ADAM23: variants seen among roughly 807,000 people sequenced by gnomAD.
ADAM23 encodes disintegrin and metalloproteinase domain-containing protein 23.
In ADAM23, 33 loss-of-function variants were observed where a neutral mutation model predicts 120.1. That is an observed-to-expected ratio of 0.27 (90% CI 0.21 to 0.37). The LOEUF (loss-of-function observed/expected upper bound fraction) is 0.37. Among genes scored for constraint, ADAM23 ranks in the 10% least tolerant of loss-of-function variants. The pLI is 1.00. For synonymous variants in ADAM23, 367 were observed against 375.2 expected (o/e 0.98, Z 0.25); for missense variants, 862 against 1,058.2 (o/e 0.81, Z 2.57).
chr2:206,579,493 C>A (rs191428841), intron 18 of ADAM23, among the ~76,000 whole-genome samples: 1 of 152,244 alleles, frequency 6.6e-6, no homozygotes, highest in East Asian at 1.9e-4. Flanking sequence ...AAAAGGGTGT[C>A]CTTTTCCCCA....
At chr2:206,510,894 T>C (rs552181558) in intron 3 of ADAM23, among the ~76,000 whole-genome samples, 55 of 152,332 alleles carry the variant, frequency 3.6e-4, no homozygotes, top group Non-Finnish European at 6.9e-4. Context: ...ATGTTCATTG[T>C]TTTACCAGTT....
chr2:206,575,228 A>T (rs1698087855), intron 18 of ADAM23, among the ~76,000 whole-genome samples: 1 of 152,202 alleles, frequency 6.6e-6, no homozygotes, highest in African/African-American at 2.4e-5. Flanking sequence ...GAATAGTAGA[A>T]ACAAAAAGGA....
intron 3 of ADAM23, among the ~76,000 whole-genome samples, chr2:206,483,032 G>A (rs1695929001): frequency 6.6e-6 from 1 of 152,180 alleles, no homozygotes; most frequent in Admixed American, 6.5e-5. Context: ...GCTCATGGAA[G>A]TTCTGGTATT....
chr2:206,602,607 T>G (rs1411700341), intron 24 of ADAM23, among the ~76,000 whole-genome samples: 1 of 152,122 alleles, frequency 6.6e-6, no homozygotes, highest in Non-Finnish European at 1.5e-5. Context: ...TTAACCCCCT[T>G]TGGAATCACT....
At chr2:206,585,864 T>A (rs542172370) in intron 18 of ADAM23, among the ~76,000 whole-genome samples, 1 of 152,058 alleles carries the variant, frequency 6.6e-6, no homozygotes, top group Non-Finnish European at 1.5e-5. Flanking sequence ...TCTCTAAAAA[T>A]AAATAAATAA....
chr2:206,574,100 G>T (rs1236805381), intron 18 of ADAM23, among the ~76,000 whole-genome samples: 3 of 152,036 alleles, frequency 2.0e-5, no homozygotes, highest in Admixed American at 6.6e-5. Context: ...ACTGGCTCTC[G>T]TTCTTCACAA....
intron 24 of ADAM23, among the ~76,000 whole-genome samples, chr2:206,600,317 A>G (rs908265224): frequency 7.9e-5 from 12 of 151,388 alleles, no homozygotes; most frequent in African/African-American, 2.7e-4. Context: ...CTTGCCATTT[A>G]TAATGGGCAC....
chr2:206,447,050 C>G (rs1695096040), intron 2 of ADAM23, among the ~76,000 whole-genome samples: 1 of 152,198 alleles, frequency 6.6e-6, no homozygotes, highest in Non-Finnish European at 1.5e-5. Context: ...TCAAAGAATG[C>G]TCAAGCCCTC....
intron 2 of ADAM23, among the ~76,000 whole-genome samples, chr2:206,479,624 T>C (rs1695853107): frequency 6.6e-6 from 1 of 152,198 alleles, no homozygotes; most frequent in African/African-American, 2.4e-5. Context: ...ATATTTGTAT[T>C]GAATAGAGGT....
In ADAM23 at chr2:206,540,828, G is replaced by A. The variant is rs145251171; in HGVS notation, c.574-1224G>A. Among the ~76,000 whole-genome samples, 268 of 151,872 alleles carry A rather than the reference G, an allele frequency of 1.8e-3. 7 individuals are homozygous for A. Among genetic ancestry groups the A allele is most frequent in the Non-Finnish European group, 1.9e-3 (130 of 67,968 alleles). On this transcript the variant is annotated intron_variant, in intron 4 of 25. Coordinates refer to ENST00000264377, the MANE Select transcript of ADAM23 (RefSeq NM_003812.4). Reference sequence around the variant, plus strand: ...GAGCCAGATAAGCAGATAGGAAGTCGGGGACTTCCCTAGTCTGGTAGGAGC... The same window carrying A: ...GAGCCAGATAAGCAGATAGGAAGTCAGGGACTTCCCTAGTCTGGTAGGAGC...
chr2:206,499,881 A>G (rs1045190976), intron 3 of ADAM23, among the ~76,000 whole-genome samples: 5 of 152,126 alleles, frequency 3.3e-5, no homozygotes, highest in South Asian at 2.1e-4. Context: ...TTAAGACACC[A>G]TGAAGTATTT....
intron 2 of ADAM23, among the ~76,000 whole-genome samples, chr2:206,468,063 A>G (rs1574482904): frequency 1.3e-5 from 2 of 152,264 alleles, no homozygotes; most frequent in Non-Finnish European, 1.5e-5. Flanking sequence ...CAGTGAAACA[A>G]TTCAATTCTT....
At chr2:206,480,078 C>T (rs562250480) in intron 2 of ADAM23, among the ~76,000 whole-genome samples, 2 of 152,190 alleles carry the variant, frequency 1.3e-5, no homozygotes, top group East Asian at 3.9e-4. Context: ...TGTTGTGGAG[C>T]TTACCACCCA....
chr2:206,531,585 AAGAG>A (rs369519980), intron 4 of ADAM23, among the ~76,000 whole-genome samples: 20 of 151,758 alleles, frequency 1.3e-4, no homozygotes, highest in African/African-American at 4.1e-4. Flanking sequence ...GGATTAAAGC[AAGAG>A]AGAGAGAGAG....
intron 24 of ADAM23, among the ~76,000 whole-genome samples, chr2:206,598,968 G>A (rs1218995662): frequency 2.7e-5 from 4 of 150,422 alleles, no homozygotes; most frequent in South Asian, 4.2e-4. Flanking sequence ...ACTTTGGGAG[G>A]CCCAGGCAGG....
chr2:206,586,097 G>T (rs190236183), intron 18 of ADAM23, among the ~76,000 whole-genome samples: 17 of 152,350 alleles, frequency 1.1e-4, no homozygotes, highest in African/African-American at 4.1e-4. Flanking sequence ...TGACTGGTGT[G>T]TCCACGTGGA....
chr2:206,558,797 C>T (rs982934162), intron 10 of ADAM23, among the ~76,000 whole-genome samples: 2 of 152,198 alleles, frequency 1.3e-5, no homozygotes, highest in African/African-American at 4.8e-5. Context: ...AAGCTGACCA[C>T]TAATTTTTAA....
chr2:206,601,484 A>G (rs1316066348), intron 24 of ADAM23, among the ~76,000 whole-genome samples: 1 of 152,190 alleles, frequency 6.6e-6, no homozygotes, highest in Non-Finnish European at 1.5e-5. Flanking sequence ...TTGAAGTTGA[A>G]TAGTGAGGCT....
chr2:206,616,070 C>T (rs555577351), intron 25 of ADAM23, among the ~76,000 whole-genome samples: 1 of 152,272 alleles, frequency 6.6e-6, no homozygotes, highest in African/African-American at 2.4e-5. Context: ...GCCTCTTGTC[C>T]TTCAGGGTCA....
Sources: allele counts gnomAD v4.1 joint callset (sites outside exome capture counted in the v4.1 genomes callset), GRCh38; gene constraint gnomAD v4.1.1; transcripts MANE v1.5; gene names NCBI Gene and HGNC (gene_info 2026-07-23, HGNC 2026-07-21).